Variants in KIF26B observed in about 807,000 individuals in gnomAD.
The protein encoded by KIF26B is kinesin-like protein KIF26B.
In KIF26B, 63 loss-of-function variants were observed where a neutral mutation model predicts 151.2. That is an observed-to-expected ratio of 0.42 (90% CI 0.34 to 0.51). The LOEUF (loss-of-function observed/expected upper bound fraction) is 0.51, where lower values mean the gene tolerates loss of function less well. KIF26B is among the 20% of genes least tolerant of loss of function. The probability of loss-of-function intolerance (pLI) is 0.07; values close to 1 mark genes in which losing one functional copy is unlikely to be tolerated. For synonymous variants in KIF26B, 1,357 were observed against 1,262.1 expected, an observed-to-expected ratio of 1.08 and a Z score of -1.59; for missense variants, 2,813 against 2,913.6, an observed-to-expected ratio of 0.97 and a Z score of 0.79.
rs1393774186 is a variant in KIF26B, at chr1:245,484,553, C to A, written c.1167-56214C>A. On this transcript the variant is annotated intron_variant, in intron 4 of 14. Coordinates refer to ENST00000407071, the MANE Select transcript of KIF26B (RefSeq NM_018012.4). ...ATTCCTCTCTGGAATATTAGACTGC[C>A]TCACAGATTAAACTGCTAAAGGAAT... is the stretch of plus-strand genomic sequence containing the variant. Among the ~76,000 whole-genome samples the A allele has an allele frequency of 2.0e-5, 3 of 151,748 alleles. 1 individual carries two copies. Among genetic ancestry groups the A allele is most frequent in the Non-Finnish European group, 4.4e-5 (3 of 67,814 alleles).
At chr1:245,579,830 A>C (rs934859976) in intron 5 of KIF26B, among the ~76,000 whole-genome samples, 11 of 151,934 alleles carry the variant, frequency 7.2e-5, no homozygotes, top group African/African-American at 2.7e-4. Context: ...CCTGGGCAAC[A>C]AGAGTGAAAC....
intron 11 of KIF26B, among the ~76,000 whole-genome samples, chr1:245,684,758 CTG>C: frequency 6.6e-6 from 1 of 152,356 alleles, no homozygotes; most frequent in East Asian, 1.9e-4. Flanking sequence ...TAGGTGGAGA[CTG>C]TGTCCTTCGA....
intron 3 of KIF26B, among the ~76,000 whole-genome samples, chr1:245,388,148 G>A (rs1020373738): frequency 6.6e-6 from 1 of 152,028 alleles, no homozygotes; most frequent in Non-Finnish European, 1.5e-5. Context: ...CTTTCCATTA[G>A]TATTTGGAGA....
At chr1:245,610,561 A>C (rs2043508806) in intron 8 of KIF26B, among the ~76,000 whole-genome samples, 2 of 152,176 alleles carry the variant, frequency 1.3e-5, no homozygotes, top group Admixed American at 1.3e-4. Flanking sequence ...GTATCTACAC[A>C]GTGTCTGTGA....
In KIF26B at chr1:245,238,755, G is replaced by A. The variant is rs1252712884; in HGVS notation, c.465+82072G>A. On this transcript the variant is annotated intron_variant, in intron 2 of 14. Coordinates refer to ENST00000407071, the MANE Select transcript of KIF26B (RefSeq NM_018012.4). ...CAGGCGCCTGTAATCTCAGCTACTC[G>A]GGAGGCTGAGGCAGGAGAATTGCTT... 2.6e-5 allele frequency among the ~76,000 whole-genome samples: 4 copies of A among 151,942 alleles called. No homozygotes were observed. In the South Asian group the frequency reaches 6.2e-4, roughly 24 times the overall value.
In KIF26B at chr1:245,419,664, G is replaced by A. The variant is rs751263520; in HGVS notation, c.1085G>A (p.Cys362Tyr). 3 of 1,613,922 alleles carry A rather than the reference G, an allele frequency of 1.9e-6. No individual in the cohort carries two copies. In the Admixed American group the frequency reaches 5.0e-5, roughly 27 times the overall value. The stretch of plus-strand genomic sequence containing the variant: ...TACAATGCAGACAAGCCTTCCGCCT[G>A]CAGTGTCCCAGCCTCGCAGGGCTCC... ...NRYNADKPSA[C>Y]SVPASQGSCV... Residue 362 changes from cysteine to tyrosine, a missense_variant, in exon 4 of 15, where the codon TGC (cysteine) becomes TAC (tyrosine). Around this residue, in one of 3 missense-constraint regions of KIF26B, gnomAD observed 676 missense variants for 688.1 expected, o/e 0.98. Transcript: ENST00000407071.
At chr1:245,448,322 C>T (rs930861434) in intron 4 of KIF26B, among the ~76,000 whole-genome samples, 2 of 152,204 alleles carry the variant, frequency 1.3e-5, no homozygotes, top group African/African-American at 2.4e-5. Context: ...ATTCTCCTGC[C>T]TCAGCCTCCC....
intron 3 of KIF26B, among the ~76,000 whole-genome samples, chr1:245,394,688 C>CTTTTTTTT (rs900497785): frequency 1.6e-5 from 2 of 123,176 alleles, no homozygotes; most frequent in African/African-American, 6.8e-5. Flanking sequence ...TTTTTTCTTT[C>CTTTTTTTT]TTTTTTTTTT....
Position 245,155,334 on chromosome 1 carries a change from C to A in KIF26B, c.-91C>A. On this transcript the variant is annotated 5_prime_UTR_variant, in exon 1 of 15. Coordinates refer to ENST00000407071, the MANE Select transcript of KIF26B (RefSeq NM_018012.4). Reference sequence around the variant, plus strand: ...CTTGCCCTGAGGGCTGAGAGCCAGCCCCCTGCAGCCGGGGGACGCTTCTGG... The same window carrying A: ...CTTGCCCTGAGGGCTGAGAGCCAGCACCCTGCAGCCGGGGGACGCTTCTGG... 2.8e-6 allele frequency: 3 copies of A among 1,079,802 alleles called. No individual in the cohort carries two copies. Among genetic ancestry groups the A allele is most frequent in the African/African-American group, 3.2e-5 (2 of 63,292 alleles). 66.9% of individuals were successfully genotyped at this position (1,079,802 alleles called of 1,614,324 possible). A position where few individuals can be genotyped will look rare whatever the true frequency, so the allele number is the denominator to read the frequency against.
At chr1:245,346,351 C>T (rs1307208118) in intron 2 of KIF26B, among the ~76,000 whole-genome samples, 1 of 152,210 alleles carries the variant, frequency 6.6e-6, no homozygotes, top group East Asian at 1.9e-4. Context: ...TTTGTCCCCA[C>T]ACCCTGAACC....
Position 245,686,180 on chromosome 1 carries a change from C to G in KIF26B, c.3197C>G (p.Pro1066Arg), listed in dbSNP as rs762124929. 2 of 1,612,384 alleles carry G rather than the reference C, an allele frequency of 1.2e-6. No homozygotes were observed. Among genetic ancestry groups the G allele is most frequent in the Middle Eastern group, 1.6e-4 (1 of 6,062 alleles). The stretch of plus-strand genomic sequence containing the variant: ...GGCAAGCCCAGGCCCATGGGCTCCC[C>G]CCGGCTGGGCATCGCCAGCCTGTCC... Reference protein sequence around the residue: ...VEGKPRPMGSPRLGIASLSKT... With the variant: ...VEGKPRPMGSRRLGIASLSKT... Residue 1066 changes from proline (P) to arginine (R), a missense_variant, in exon 12 of 15, where the codon CCC becomes CGC. Pro to Arg is a moderately radical substitution (Grantham distance 103). Around this residue, in one of 3 missense-constraint regions of KIF26B, gnomAD observed 2,060 missense variants for 2,088.6 expected, o/e 0.99. Transcript: ENST00000407071. The surrounding 1 kb of genome is among the most constrained non-coding windows in gnomAD (Gnocchi z 5.6).
intron 2 of KIF26B, among the ~76,000 whole-genome samples, chr1:245,283,829 A>G (rs919776556): frequency 2.0e-5 from 3 of 152,076 alleles, no homozygotes; most frequent in Admixed American, 2.0e-4. Context: ...CTGGGACTAC[A>G]GGTGCCCACC....
At chr1:245,439,203 C>T (rs1414605592) in intron 4 of KIF26B, among the ~76,000 whole-genome samples, 2 of 151,724 alleles carry the variant, frequency 1.3e-5, no homozygotes, top group African/African-American at 4.8e-5. Flanking sequence ...AAAAATTAGC[C>T]AGACTTAGTG....
chr1:245,317,638 C>T (rs2102985568), intron 2 of KIF26B, among the ~76,000 whole-genome samples: 1 of 152,340 alleles, frequency 6.6e-6, no homozygotes, highest in South Asian at 2.1e-4. Flanking sequence ...GAATTGGTTT[C>T]TGTAAGTGTC....
At chr1:245,392,248 A>G (rs371136016) in intron 3 of KIF26B, among the ~76,000 whole-genome samples, 2 of 152,176 alleles carry the variant, frequency 1.3e-5, no homozygotes, top group East Asian at 3.8e-4. Context: ...TACGCCACAG[A>G]AATATTCACT....
rs958667518 is a variant in KIF26B, at chr1:245,519,779, G to T, written c.1167-20988G>T. Among the ~76,000 whole-genome samples, 5 of 152,186 alleles carry T rather than the reference G, an allele frequency of 3.3e-5. No individual in the cohort carries two copies. The East Asian group carries it at 9.7e-4, about 29-fold the overall frequency. ...TTGTAACACAATGGTAAGTATTTGT[G>T]TCCCTAAACATATCTAAACACAGAA... On this transcript the variant is annotated intron_variant, in intron 4 of 14. Transcript: ENST00000407071.
chr1:245,301,667 G>A (rs564988135), intron 2 of KIF26B, among the ~76,000 whole-genome samples: 1 of 152,282 alleles, frequency 6.6e-6, no homozygotes, highest in Non-Finnish European at 1.5e-5. Context: ...CCGCATCAGA[G>A]AGCTCTTCAG....
intron 2 of KIF26B, among the ~76,000 whole-genome samples, chr1:245,313,108 A>G (rs912753432): frequency 1.3e-5 from 2 of 152,152 alleles, no homozygotes; most frequent in Admixed American, 6.6e-5. Flanking sequence ...GCAGTGAGCC[A>G]AGATCATGAC....
chr1:245,440,153 G>A (rs538067178), intron 4 of KIF26B, among the ~76,000 whole-genome samples: 2 of 152,032 alleles, frequency 1.3e-5, no homozygotes, highest in East Asian at 1.9e-4. Context: ...CCTGGGAGGC[G>A]GAGCTCGCAG....
Sources: allele counts gnomAD v4.1 joint callset (sites outside exome capture counted in the v4.1 genomes callset), GRCh38; gene constraint gnomAD v4.1.1; regional missense constraint gnomAD v4.1.1; non-coding constraint Gnocchi (gnomAD v3.1); transcripts MANE v1.5; gene names NCBI Gene and HGNC (gene_info 2026-07-23, HGNC 2026-07-21).